Variants in GRID2 observed in about 807,000 individuals in gnomAD.
The protein encoded by GRID2 is glutamate receptor ionotropic, delta-2.
In GRID2, 33 loss-of-function variants were observed where a neutral mutation model predicts 114.8. That is an observed-to-expected ratio of 0.29 (90% CI 0.22 to 0.38). GRID2 has a LOEUF of 0.38. Ranked by LOEUF, GRID2 falls within the 10% of genes least tolerant of loss-of-function variation. The pLI is 1.00. For missense variants in GRID2, 1,184 were observed against 1,257.7 expected (o/e 0.94, Z 0.89); for synonymous variants, 505 against 449.9 (o/e 1.12, Z -1.55).
intron 2 of GRID2, among the ~76,000 whole-genome samples, chr4:92,945,981 G>T (rs1022287684): frequency 6.6e-6 from 1 of 152,050 alleles, no homozygotes; most frequent in Non-Finnish European, 1.5e-5. Flanking sequence ...CCAGAAATAT[G>T]TTGGAATCTC....
At chr4:92,780,179 T>C (rs950036844) in intron 2 of GRID2, among the ~76,000 whole-genome samples, 1 of 152,146 alleles carries the variant, frequency 6.6e-6, no homozygotes, top group African/African-American at 2.4e-5. Context: ...GAGCAAATAG[T>C]GGATAAAGTC....
chr4:93,166,151 C>T (rs1184758006), intron 4 of GRID2: 1 of 152,176 alleles, frequency 6.6e-6, no homozygotes, highest in Non-Finnish European at 1.5e-5. Context: ...AGCATTTAAA[C>T]ACTAACATAC....
chr4:92,766,279 C>T (rs1194094083), intron 2 of GRID2, among the ~76,000 whole-genome samples: 1 of 152,070 alleles, frequency 6.6e-6, no homozygotes, highest in Non-Finnish European at 1.5e-5. Flanking sequence ...TGGCTCATGC[C>T]TATAATTCCA....
intron 5 of GRID2, among the ~76,000 whole-genome samples, chr4:93,213,236 T>C (rs1332742001): frequency 6.6e-6 from 1 of 152,188 alleles, no homozygotes; most frequent in East Asian, 1.9e-4. Flanking sequence ...TAGCCTACAG[T>C]TGGATTTGTT....
At chr4:93,623,299 C>T (rs1742383497) in intron 13 of GRID2, among the ~76,000 whole-genome samples, 1 of 148,332 alleles carries the variant, frequency 6.7e-6, no homozygotes, top group Admixed American at 6.8e-5. Context: ...AATGCTATCT[C>T]TCCCCTAGCC....
chr4:93,713,662 CT>C (rs889669491), intron 14 of GRID2, among the ~76,000 whole-genome samples: 1 of 151,780 alleles, frequency 6.6e-6, no homozygotes, highest in Non-Finnish European at 1.5e-5. Context: ...AAGCAGGGTG[CT>C]TTTTTAGATA....
chr4:93,127,193 C>T (rs530757934), intron 4 of GRID2, among the ~76,000 whole-genome samples: 10 of 152,198 alleles, frequency 6.6e-5, no homozygotes, highest in African/African-American at 1.2e-4. Context: ...TGATCACTTG[C>T]GAAGTTATTA....
chr4:92,668,959 T>A (rs1198028139), intron 2 of GRID2, among the ~76,000 whole-genome samples: 1 of 151,912 alleles, frequency 6.6e-6, no homozygotes, highest in Non-Finnish European at 1.5e-5. Flanking sequence ...AGCATGGTAG[T>A]ATAGCTTGAT....
At chr4:93,547,153 G>C (rs1733304636) in intron 13 of GRID2, among the ~76,000 whole-genome samples, 1 of 152,052 alleles carries the variant, frequency 6.6e-6, no homozygotes, top group Non-Finnish European at 1.5e-5. Flanking sequence ...ATTTTTCTCT[G>C]TTTACTATTT....
intron 2 of GRID2, among the ~76,000 whole-genome samples, chr4:92,990,018 G>A (rs181277732): frequency 1.3e-5 from 2 of 152,152 alleles, no homozygotes; most frequent in East Asian, 3.9e-4. Flanking sequence ...AGAGAGCATA[G>A]CACTTGTCTG....
At chr4:93,663,175 G>A (rs1031826103) in intron 14 of GRID2, among the ~76,000 whole-genome samples, 6 of 152,128 alleles carry the variant, frequency 3.9e-5, no homozygotes, top group African/African-American at 1.2e-4. Context: ...TCTAGGCCTT[G>A]CCAATTGAGG....
chr4:93,322,021 G>A (rs1489541103), intron 8 of GRID2, among the ~76,000 whole-genome samples: 1 of 139,542 alleles, frequency 7.2e-6, no homozygotes, highest in Non-Finnish European at 1.5e-5. Flanking sequence ...CATTTTCTGG[G>A]ATATTTTTTC....
intron 2 of GRID2, among the ~76,000 whole-genome samples, chr4:92,908,427 A>C (rs1748117330): frequency 6.6e-6 from 1 of 152,112 alleles, no homozygotes; most frequent in African/African-American, 2.4e-5. Flanking sequence ...GAAAAGCAAG[A>C]TAGAGCTTTC....
chr4:93,568,658 C>T (rs1163655880), intron 13 of GRID2, among the ~76,000 whole-genome samples: 2 of 152,136 alleles, frequency 1.3e-5, no homozygotes, highest in Non-Finnish European at 2.9e-5. Flanking sequence ...AGACAATAGT[C>T]CTTTACAAGA....
chr4:92,483,863 A>G (rs1324733578), intron 1 of GRID2, among the ~76,000 whole-genome samples: 2 of 152,182 alleles, frequency 1.3e-5, no homozygotes, highest in Non-Finnish European at 2.9e-5. Flanking sequence ...TTCCTGCCAC[A>G]CCTGACAGTG....
At chr4:92,750,489 C>T (rs1183922500) in intron 2 of GRID2, among the ~76,000 whole-genome samples, 2 of 95,878 alleles carry the variant, frequency 2.1e-5, no homozygotes, top group African/African-American at 1.1e-4. Flanking sequence ...TTCACATAGA[C>T]CAAAGAAAGA....
chr4:93,424,112 C>T (rs1157422079), intron 10 of GRID2, among the ~76,000 whole-genome samples: 1 of 147,392 alleles, frequency 6.8e-6, no homozygotes, highest in African/African-American at 2.5e-5. Context: ...TTTATTTGTA[C>T]TCACTCCTTT....
chr4:93,632,900 T>C (rs1487335540), intron 14 of GRID2, among the ~76,000 whole-genome samples: 1 of 152,176 alleles, frequency 6.6e-6, no homozygotes, highest in Non-Finnish European at 1.5e-5. Flanking sequence ...TGTTGAGCAG[T>C]AGTTTGTAGT....
At chr4:93,321,405 A>C (rs752077827) in intron 8 of GRID2, among the ~76,000 whole-genome samples, 5 of 152,130 alleles carry the variant, frequency 3.3e-5, no homozygotes, top group Non-Finnish European at 7.4e-5. Flanking sequence ...CTAGTTAGCA[A>C]CTAGTTATAC....
Sources: gnomAD v4.1 joint callset for allele counts (sites outside exome capture counted in the v4.1 genomes callset) on GRCh38, gnomAD v4.1.1 for gene constraint, MANE v1.5 for transcripts, NCBI Gene and HGNC (gene_info 2026-07-23, HGNC 2026-07-21) for gene names.